DCC: variants seen among roughly 807,000 people sequenced by gnomAD.
The protein encoded by DCC is netrin receptor DCC.
In DCC, 58 loss-of-function variants were observed where a neutral mutation model predicts 172.5. The observed-to-expected ratio is 0.34, with a 90% CI of 0.27 to 0.42. DCC has a LOEUF of 0.42. DCC is among the 10% of genes least tolerant of loss of function. DCC has a pLI of 1.00. For synonymous variants in DCC, 709 were observed against 644.5 expected, an observed-to-expected ratio of 1.10 and a Z score of -1.52; for missense variants, 1,740 against 1,791.0, an observed-to-expected ratio of 0.97 and a Z score of 0.51.
chr18:53,027,361 A>C (rs7505366), intron 5 of DCC, among the ~76,000 whole-genome samples: 22,743 of 152,174 alleles, frequency 0.15, 1,961 homozygotes, highest in African/African-American at 0.25. Flanking sequence ...TTGTAGAGGC[A>C]AATCTAGTCA....
intron 5 of DCC, among the ~76,000 whole-genome samples, chr18:52,955,958 TC>T (rs780506006): frequency 3.3e-5 from 5 of 151,928 alleles, no homozygotes; most frequent in Non-Finnish European, 7.4e-5. Flanking sequence ...ATTTGGGCTA[TC>T]ATTTTTTTTT....
At chr18:53,392,495 C>T (rs990140796) in intron 17 of DCC, among the ~76,000 whole-genome samples, 2 of 152,132 alleles carry the variant, frequency 1.3e-5, no homozygotes, top group African/African-American at 4.8e-5. Context: ...TATCTGACAA[C>T]CTCTTTAAGA....
chr18:52,714,222 T>C (rs1227641547), intron 1 of DCC, among the ~76,000 whole-genome samples: 2 of 152,220 alleles, frequency 1.3e-5, no homozygotes. Flanking sequence ...ATGGCAATGA[T>C]AATTGCATTA....
intron 2 of DCC, among the ~76,000 whole-genome samples, chr18:52,832,359 T>TG (rs765955354): frequency 1.8e-4 from 28 of 152,126 alleles, no homozygotes; most frequent in African/African-American, 6.0e-4. Flanking sequence ...AACTCTATTG[T>TG]GGGGGGCTCT....
intron 5 of DCC, among the ~76,000 whole-genome samples, chr18:53,016,761 T>TG (rs1420896588): frequency 6.6e-6 from 1 of 152,154 alleles, no homozygotes; most frequent in African/African-American, 2.4e-5. Flanking sequence ...ATAGAAGAAA[T>TG]TAGCAAAGAA....
intron 5 of DCC, among the ~76,000 whole-genome samples, chr18:53,003,532 A>AT (rs1568238665): frequency 6.6e-6 from 1 of 152,122 alleles, no homozygotes. Context: ...GTTATTAATC[A>AT]TGAAAGTTGT....
chr18:52,718,259 T>C (rs1049566833), intron 1 of DCC, among the ~76,000 whole-genome samples: 7 of 152,304 alleles, frequency 4.6e-5, no homozygotes, highest in African/African-American at 1.7e-4. Flanking sequence ...TTAATTTGAC[T>C]GGGGTATTGG....
At chr18:53,426,331 T>A (rs1192306441) in intron 21 of DCC, among the ~76,000 whole-genome samples, 1 of 144,862 alleles carries the variant, frequency 6.9e-6, no homozygotes, top group East Asian at 1.9e-4. Context: ...TTATAAATTT[T>A]ATGATATATA....
intron 3 of DCC, among the ~76,000 whole-genome samples, chr18:52,919,091 C>T (rs2040080996): frequency 6.6e-6 from 1 of 152,170 alleles, no homozygotes; most frequent in Non-Finnish European, 1.5e-5. Context: ...TGGCTGTTGA[C>T]TGAGTGCCTC....
chr18:52,382,455 C>T (rs1452142421), intron 1 of DCC, among the ~76,000 whole-genome samples: 3 of 152,010 alleles, frequency 2.0e-5, no homozygotes, highest in Non-Finnish European at 4.4e-5. Context: ...ATACCATAAT[C>T]ATATTTCCAT....
chr18:53,152,115 C>T (rs2054651293), intron 7 of DCC, among the ~76,000 whole-genome samples: 1 of 152,054 alleles, frequency 6.6e-6, no homozygotes, highest in African/African-American at 2.4e-5. Flanking sequence ...AAGATGCAGA[C>T]TAATAAAGCA....
chr18:52,815,096 AG>A (rs980297931), intron 2 of DCC, among the ~76,000 whole-genome samples: 5 of 152,196 alleles, frequency 3.3e-5, no homozygotes, highest in African/African-American at 1.2e-4. Context: ...GGCCAAATAT[AG>A]TAAAAGACTT....
chr18:53,326,190 A>G (rs1046906921), intron 14 of DCC, among the ~76,000 whole-genome samples: 3 of 152,210 alleles, frequency 2.0e-5, no homozygotes, highest in African/African-American at 7.2e-5. Context: ...CACATAAGCA[A>G]TCTGAAAAAG....
chr18:53,462,973 C>T (rs1225505420), intron 24 of DCC, among the ~76,000 whole-genome samples: 1 of 152,268 alleles, frequency 6.6e-6, no homozygotes, highest in African/African-American at 2.4e-5. Flanking sequence ...ATTACTTTTT[C>T]CTCTGCTTAG....
chr18:53,408,671 A>G (rs1446307441), intron 19 of DCC, among the ~76,000 whole-genome samples: 3 of 152,216 alleles, frequency 2.0e-5, no homozygotes, highest in African/African-American at 7.2e-5. Context: ...GTGGCCATCA[A>G]AGATTGTTTA....
At chr18:52,845,043 A>G (rs9675710) in intron 2 of DCC, among the ~76,000 whole-genome samples, 3,771 of 152,340 alleles carry the variant, frequency 0.025, 169 homozygotes, top group African/African-American at 0.087. Flanking sequence ...CATCTGTGCT[A>G]ACATCTGACC....
rs758167870 is a variant in DCC at position 52,805,058 on chromosome 18, C to A, written c.412+52684C>A. Among the ~76,000 whole-genome samples, 10 of 152,258 alleles carry A rather than the reference C, an allele frequency of 6.6e-5. No homozygotes were observed. The East Asian group carries it at 1.5e-3, about 24-fold the overall frequency. On this transcript the variant is annotated intron_variant, in intron 2 of 28. Transcript: ENST00000442544. The stretch of plus-strand genomic sequence containing the variant: ...AACAAATTTCTTAATCTCTGTGAGC[C>A]TTTGCTTCTTCATCTCTCAATTAAG...
At chr18:53,474,999 G>A (rs1029167880) in intron 25 of DCC, among the ~76,000 whole-genome samples, 7 of 152,204 alleles carry the variant, frequency 4.6e-5, no homozygotes, top group Non-Finnish European at 7.3e-5. Flanking sequence ...TTGGGAACTG[G>A]AGCAAAGGTG....
rs145447432 is a variant in DCC, at chr18:53,287,986, G to A, written c.1912-17592G>A. On this transcript the variant is annotated intron_variant, in intron 12 of 28. Coordinates refer to ENST00000442544, the MANE Select transcript of DCC (RefSeq NM_005215.4). ...ATTTATTGGTTCTTTGAGCATGTAC[G>A]CAATCCTAATATGCTGTAAGCCCTC... Among the ~76,000 whole-genome samples, 14 of 152,092 alleles carry A rather than the reference G, an allele frequency of 9.2e-5. No individual in the cohort carries two copies. The East Asian group carries it at 1.4e-3, about 15-fold the overall frequency.
Sources: allele counts gnomAD v4.1 joint callset (sites outside exome capture counted in the v4.1 genomes callset), GRCh38; gene constraint gnomAD v4.1.1; transcripts MANE v1.5; gene names NCBI Gene and HGNC (gene_info 2026-07-23, HGNC 2026-07-21).